NAV1: variants seen among roughly 807,000 people sequenced by gnomAD.
The protein encoded by NAV1 is neuron navigator 1, also known as pore membrane and/or filament interacting like protein 3.
NAV1 carries 18 observed loss-of-function variants against 175.2 expected under a neutral mutation model. The observed-to-expected ratio is 0.10, with a 90% confidence interval of 0.07 to 0.15. The LOEUF (loss-of-function observed/expected upper bound fraction) is 0.15. Among genes scored for constraint, NAV1 ranks in the 10% least tolerant of loss-of-function variants. The pLI is 1.00. For missense variants in NAV1, 1,731 were observed against 2,436.6 expected, an observed-to-expected ratio of 0.71 and a Z score of 6.10; for synonymous variants, 897 against 978.7, an observed-to-expected ratio of 0.92 and a Z score of 1.56.
chr1:201,600,639 A>G (rs1326331962), intron 2 of NAV1, among the ~76,000 whole-genome samples: 1 of 152,166 alleles, frequency 6.6e-6, no homozygotes, highest in East Asian at 1.9e-4. Context: ...AAATTACTTC[A>G]AAATAAAAAC....
At position 201,740,685 on chromosome 1, in the gene NAV1, A is replaced by T. The variant is rs934550971; in HGVS notation, c.1226+21930A>T. Reference sequence around the variant, plus strand: ...GAGAGAGAGTGAAGCCTGGTGCTCTACCCTGGGAAGGGGTGAAAAATCGGA... The same window carrying T: ...GAGAGAGAGTGAAGCCTGGTGCTCTTCCCTGGGAAGGGGTGAAAAATCGGA... On this transcript the variant is annotated intron_variant, in intron 3 of 29. Transcript: ENST00000367296. This position sits in a 1 kb window ranked among gnomAD's most constrained non-coding sequence, Gnocchi z 4.7. Among the ~76,000 whole-genome samples the T allele has an allele frequency of 6.6e-6, 1 of 151,890 alleles. No individual in the cohort carries two copies. Among genetic ancestry groups the T allele is most frequent in the Non-Finnish European group, 1.5e-5 (1 of 67,978 alleles).
At chr1:201,784,721 ATAAC>A (rs1021716225) in intron 7 of NAV1, among the ~76,000 whole-genome samples, 3 of 151,676 alleles carry the variant, frequency 2.0e-5, no homozygotes, top group Non-Finnish European at 4.4e-5. Context: ...GATCTTTTAA[ATAAC>A]TAACTATGCC....
At chr1:201,789,185 T>C (rs1387213736) in intron 10 of NAV1, among the ~76,000 whole-genome samples, 2 of 152,154 alleles carry the variant, frequency 1.3e-5, no homozygotes, top group Admixed American at 1.3e-4. Context: ...CATTATTATT[T>C]TCAAGATGGT....
intron 28 of NAV1, 66 bp from the exon 33 acceptor site, chr1:201,817,022 A>G: frequency 6.8e-7 from 1 of 1,479,708 alleles, no homozygotes; most frequent in Non-Finnish European, 9.3e-7. Context: ...AACTACCAAA[A>G]GACTGCATGA....
intron 1 of NAV1, among the ~76,000 whole-genome samples, chr1:201,546,217 T>C (rs915158457): frequency 1.2e-4 from 19 of 152,232 alleles, no homozygotes; most frequent in African/African-American, 4.6e-4. Context: ...GAGGGCTGGA[T>C]TGCACGGCAT....
At chr1:201,797,354 C>CT (rs1284499152) in intron 15 of NAV1, 1 of 152,124 alleles carries the variant, frequency 6.6e-6, no homozygotes, top group Non-Finnish European at 1.5e-5. Context: ...TCTTTCTAGA[C>CT]TTTCAGTTCT....
At chr1:201,719,011 T>A (rs1473942453) in intron 3 of NAV1, among the ~76,000 whole-genome samples, 2 of 152,008 alleles carry the variant, frequency 1.3e-5, no homozygotes, top group Non-Finnish European at 2.9e-5. Context: ...CTCTCATTGG[T>A]CTCTGTGGCT....
At position 201,629,004 on chromosome 1, in the gene NAV1, G is replaced by C. The variant is rs80217550; in HGVS notation, c.-100-400G>C. On this transcript the variant is annotated intron_variant, in intron 1 of 29. Coordinates refer to the NAV1 transcript ENST00000367302. Reference sequence around the variant, plus strand: ...TCAGCTTCAGAGGGAGCTCTTCCCTGTGTATATGTACATGGCTGTACATAC... The same window carrying C: ...TCAGCTTCAGAGGGAGCTCTTCCCTCTGTATATGTACATGGCTGTACATAC... Among the ~76,000 whole-genome samples, 958 of 152,338 alleles carry C rather than the reference G, an allele frequency of 6.3e-3. 9 individuals are homozygous for C. Among genetic ancestry groups the C allele is most frequent in the African/African-American group, 0.022 (909 of 41,566 alleles).
At chr1:201,592,654 A>C (rs1453342291) in intron 2 of NAV1, among the ~76,000 whole-genome samples, 2 of 152,014 alleles carry the variant, frequency 1.3e-5, no homozygotes, top group East Asian at 3.9e-4. Flanking sequence ...TGGTCTTTGG[A>C]TTGTGCTCTA....
chr1:201,576,675 T>A (rs753709065), intron 1 of NAV1, among the ~76,000 whole-genome samples: 9 of 152,356 alleles, frequency 5.9e-5, no homozygotes, highest in Non-Finnish European at 1.2e-4. Context: ...GGTCACGTGT[T>A]AGTTGCAAGT....
intron 1 of NAV1, among the ~76,000 whole-genome samples, chr1:201,706,522 G>T (rs1671676497): frequency 6.6e-6 from 1 of 152,164 alleles, no homozygotes; most frequent in South Asian, 2.1e-4. Flanking sequence ...CACTGGGCAG[G>T]CCCCTCCCCT....
chr1:201,687,611 G>A (rs1670735129), intron 1 of NAV1, among the ~76,000 whole-genome samples: 1 of 152,290 alleles, frequency 6.6e-6, no homozygotes, highest in African/African-American at 2.4e-5. Context: ...GAAAAAAAAT[G>A]AGACTTTTGA....
chr1:201,729,352 A>G (rs1339458166), intron 3 of NAV1, among the ~76,000 whole-genome samples: 1 of 152,232 alleles, frequency 6.6e-6, no homozygotes, highest in Admixed American at 6.5e-5. Context: ...AGTGTATGTA[A>G]TACACTTGGT....
chr1:201,558,839 G>A (rs1666113791), intron 1 of NAV1, among the ~76,000 whole-genome samples: 1 of 152,188 alleles, frequency 6.6e-6, no homozygotes, highest in East Asian at 1.9e-4. Context: ...GGAATCAAAA[G>A]CAATTGTGTT....
exon 1 of NAV1, chr1:201,623,201 C>T: frequency 3.0e-6 from 3 of 985,990 alleles, no homozygotes; most frequent in Non-Finnish European, 3.6e-6. Flanking sequence ...CCCAGGACAA[C>T]CCCGAAAGCA....
chr1:201,692,406 A>G (rs1201540275), intron 1 of NAV1, among the ~76,000 whole-genome samples: 1 of 152,214 alleles, frequency 6.6e-6, no homozygotes, highest in African/African-American at 2.4e-5. Flanking sequence ...GTTTTACTGT[A>G]GTTTTTTCAA....
rs934930829 is a variant in NAV1 at position 201,728,320 on chromosome 1, A to G, written c.1226+9565A>G. 9.1e-4 allele frequency among the ~76,000 whole-genome samples: 138 copies of G among 152,196 alleles called. 1 individual carries two copies. The highest frequency in any genetic ancestry group is 3.2e-3 in the African/African-American group (132 of 41,520). On this transcript the variant is annotated intron_variant, in intron 3 of 29. Transcript: ENST00000367296. ...AATTTTTCTGTAGAAGTCCAGGCGC[A>G]GTGGCTCATGCCTGTAATCCCAGCA...
At chr1:201,742,848 G>A (rs1225517598) in intron 3 of NAV1, among the ~76,000 whole-genome samples, 1 of 148,358 alleles carries the variant, frequency 6.7e-6, no homozygotes, top group Non-Finnish European at 1.5e-5. Context: ...AACCACACTT[G>A]CTGGATTAAC....
intron 1 of NAV1, among the ~76,000 whole-genome samples, chr1:201,626,238 T>G (rs1410496384): frequency 6.6e-6 from 1 of 152,202 alleles, no homozygotes; most frequent in Non-Finnish European, 1.5e-5. Context: ...GCCATCTGCT[T>G]CCTAGAATCC....
Sources: allele counts gnomAD v4.1 joint callset (sites outside exome capture counted in the v4.1 genomes callset), GRCh38; gene constraint gnomAD v4.1.1; non-coding constraint Gnocchi (gnomAD v3.1); transcripts MANE v1.5; gene names NCBI Gene and HGNC (gene_info 2026-07-23, HGNC 2026-07-21).